EHBP1: variants seen among roughly 807,000 people sequenced by gnomAD.
EHBP1 encodes the protein EH domain-binding protein 1.
Under a neutral mutation model 144.0 loss-of-function variants are expected in EHBP1, and 55 were observed. That is an observed-to-expected ratio of 0.38 (90% CI 0.31 to 0.48). The LOEUF is 0.48. Among genes scored for constraint, EHBP1 ranks in the 20% least tolerant of loss-of-function variants. The pLI is 0.98. For missense variants in EHBP1, 1,200 were observed against 1,364.2 expected, an observed-to-expected ratio of 0.88 and a Z score of 1.90; for synonymous variants, 469 against 472.7, an observed-to-expected ratio of 0.99 and a Z score of 0.10.
chr2:62,826,409 G>A, intron 6 of EHBP1, 141 bp downstream of exon 6: 1 of 681,446 alleles, frequency 1.5e-6, no homozygotes, highest in Non-Finnish European at 2.3e-6. Context: ...GCTGAATTAA[G>A]GGAACTCCTT....
intron 19 of EHBP1, among the ~76,000 whole-genome samples, chr2:63,008,560 CT>C (rs2060137494): frequency 6.7e-6 from 1 of 149,232 alleles, no homozygotes; most frequent in Admixed American, 6.7e-5. Context: ...ATATAAATCA[CT>C]GCTTTTTTTT....
chr2:62,828,120 A>G (rs2046479255), intron 6 of EHBP1, among the ~76,000 whole-genome samples: 2 of 152,174 alleles, frequency 1.3e-5, no homozygotes, highest in South Asian at 4.1e-4. Context: ...GACTTTGTTA[A>G]CTCTAAGGCT....
At chr2:63,040,067 T>TTTTGTAGTCATGGTATAGTC (rs2061596104) in intron 21 of EHBP1, among the ~76,000 whole-genome samples, 1 of 151,738 alleles carries the variant, frequency 6.6e-6, no homozygotes, top group African/African-American at 2.4e-5. Flanking sequence ...TTGATATAGT[T>TTTTGTAGTCATGGTATAGTC]TTTGTAGTCA....
chr2:62,864,765 A>G lies in EHBP1; in HGVS notation c.792A>G (p.Thr264=), dbSNP rs1386191505. The part of the protein sequence containing the change: ...PITETASPRK[T]EDSFYNNSYN... ...CTGAAACAGCTTCACCTAGAAAAAC[A>G]GAAGACTCTTTTTATAATAACAGCT... Residue 264 remains threonine, a synonymous_variant, in exon 9 of 23, where the codon ACA becomes ACG. Coordinates refer to ENST00000431489, the MANE Select transcript of EHBP1 (RefSeq NM_001142616.3). The G allele has an allele frequency of 3.1e-6, 5 of 1,613,012 alleles. 1 individual carries two copies. Among genetic ancestry groups the G allele is most frequent in the Admixed American group, 3.3e-5 (2 of 59,892 alleles).
At chr2:62,716,667 G>A (rs534731071) in intron 2 of EHBP1, among the ~76,000 whole-genome samples, 2 of 152,202 alleles carry the variant, frequency 1.3e-5, no homozygotes, top group South Asian at 2.1e-4. Flanking sequence ...TCATTGCCAC[G>A]GAGTTGATGC....
chr2:63,016,477 C>T (rs1159724924), intron 19 of EHBP1, among the ~76,000 whole-genome samples: 1 of 151,976 alleles, frequency 6.6e-6, no homozygotes, highest in Non-Finnish European at 1.5e-5. Flanking sequence ...GTCGCCCAGG[C>T]TGGAGTGCAA....
At chr2:62,967,933 A>G (rs1309568988) in intron 14 of EHBP1, among the ~76,000 whole-genome samples, 1 of 152,044 alleles carries the variant, frequency 6.6e-6, no homozygotes, top group Non-Finnish European at 1.5e-5. Flanking sequence ...TAAGTGAAGC[A>G]CTGTGAAACT....
At chr2:63,037,424 A>T in intron 19 of EHBP1, 111 bp from the exon 20 acceptor site, 1 of 667,218 alleles carries the variant, frequency 1.5e-6, no homozygotes, top group Non-Finnish European at 2.6e-6. Flanking sequence ...AGTTTAATAT[A>T]TAGTATTAGA....
In EHBP1 at chr2:62,864,784, A is replaced by G. The variant is rs748789562; in HGVS notation, c.811A>G (p.Asn271Asp). The G allele has an allele frequency of 6.2e-7, 1 of 1,613,646 alleles. No homozygotes were observed. The highest frequency in any genetic ancestry group is 8.5e-7 in the Non-Finnish European group (1 of 1,179,880). The change falls in exon 9 of 23, where the codon AAC becomes GAC. Residue 271 changes from asparagine (N) to aspartate (D), a missense_variant. By Grantham distance (23) the Asn-to-Asp change is conservative. Transcript: ENST00000431489. ...PRKTEDSFYNNSYNPFKEVQT... is the reference protein window; with the variant it reads ...PRKTEDSFYNDSYNPFKEVQT... Reference sequence around the variant, plus strand: ...AAAAACAGAAGACTCTTTTTATAATAACAGCTATAATCCCTTTAAAGAGGT... The same window carrying G: ...AAAAACAGAAGACTCTTTTTATAATGACAGCTATAATCCCTTTAAAGAGGT...
intron 1 of EHBP1, chr2:62,706,399 C>T (rs1377180425): frequency 6.6e-6 from 1 of 152,360 alleles, no homozygotes; most frequent in African/African-American, 2.4e-5. Flanking sequence ...CCCTCCACTC[C>T]TCGTTCCCCA....
At chr2:62,836,173 G>A (rs1433555522) in intron 7 of EHBP1, among the ~76,000 whole-genome samples, 1 of 152,102 alleles carries the variant, frequency 6.6e-6, no homozygotes, top group Non-Finnish European at 1.5e-5. Context: ...TCCTCAAATG[G>A]GTCCCTGACC....
At chr2:62,725,282 T>C (rs1414163277) in intron 2 of EHBP1, among the ~76,000 whole-genome samples, 2 of 152,258 alleles carry the variant, frequency 1.3e-5, no homozygotes, top group African/African-American at 4.8e-5. Context: ...CATTTGCATA[T>C]GCCAGCAGCA....
chr2:62,737,365 G>A (rs1044317390), intron 2 of EHBP1, among the ~76,000 whole-genome samples: 9 of 152,000 alleles, frequency 5.9e-5, no homozygotes, highest in East Asian at 1.9e-4. Context: ...CCTTTCCCCC[G>A]CGACTGGGTC....
At chr2:62,972,644 A>G (rs1351916657) in intron 14 of EHBP1, among the ~76,000 whole-genome samples, 5 of 152,112 alleles carry the variant, frequency 3.3e-5, no homozygotes, top group Non-Finnish European at 7.4e-5. Context: ...GGGTGAGAAA[A>G]CAAACAACAC....
chr2:62,675,502 A>C (rs77425011), intron 1 of EHBP1, among the ~76,000 whole-genome samples: 3,114 of 152,304 alleles, frequency 0.02, 43 homozygotes, highest in East Asian at 0.055. Context: ...GCAAAGGATA[A>C]TGAAAAGGCA....
intron 1 of EHBP1, among the ~76,000 whole-genome samples, chr2:62,697,519 A>G (rs1448773531): frequency 5.9e-5 from 9 of 152,192 alleles, no homozygotes; most frequent in Non-Finnish European, 1.5e-5. Flanking sequence ...GTCATTGTTA[A>G]ACAAAGCACG....
intron 5 of EHBP1, among the ~76,000 whole-genome samples, chr2:62,813,478 C>G (rs760709808): frequency 6.6e-6 from 1 of 152,178 alleles, no homozygotes; most frequent in Non-Finnish European, 1.5e-5. Flanking sequence ...GCAGAGAGTC[C>G]TCACCAAGGT....
intron 5 of EHBP1, among the ~76,000 whole-genome samples, chr2:62,800,411 A>G (rs1377244445): frequency 6.6e-6 from 1 of 152,036 alleles, no homozygotes; most frequent in Non-Finnish European, 1.5e-5. Flanking sequence ...CCTTTTTTTA[A>G]TGGTGAGAGG....
intron 5 of EHBP1, among the ~76,000 whole-genome samples, chr2:62,774,638 A>G (rs2041926606): frequency 6.6e-6 from 1 of 152,044 alleles, no homozygotes; most frequent in Non-Finnish European, 1.5e-5. Flanking sequence ...AAAACATATG[A>G]TTCAAGACCA....
Sources: allele counts gnomAD v4.1 joint callset (sites outside exome capture counted in the v4.1 genomes callset), GRCh38; gene constraint gnomAD v4.1.1; transcripts MANE v1.5; gene names NCBI Gene and HGNC (gene_info 2026-07-23, HGNC 2026-07-21).